ACACA: variants seen among roughly 807,000 people sequenced by gnomAD.
ACACA encodes acetyl-CoA carboxylase 1.
Under a neutral mutation model 296.1 loss-of-function variants are expected in ACACA, and 103 were observed. That is an observed-to-expected ratio of 0.35 (90% CI 0.30 to 0.41). The LOEUF (loss-of-function observed/expected upper bound fraction) is 0.41. ACACA is among the 10% of genes least tolerant of loss of function. ACACA has a pLI of 1.00. For synonymous variants in ACACA, 953 were observed against 1,038.6 expected (o/e 0.92, Z 1.58); for missense variants, 1,554 against 2,989.7 (o/e 0.52, Z 11.20).
At position 37,380,434 on chromosome 17, in the gene ACACA, A is replaced by T. The variant is rs76798436; in HGVS notation, c.38+25828T>A. On this transcript the variant is annotated intron_variant, in intron 1 of 55. Coordinates refer to ENST00000616317, the MANE Select transcript of ACACA (RefSeq NM_198834.3). ...AAAACTTAAAGTATAATAATAAAAG[A>T]AAAAAAAAAGAAAATGAATTATCCT... Among the ~76,000 whole-genome samples, 96 of 149,336 alleles carry T rather than the reference A, an allele frequency of 6.4e-4. 1 individual carries two copies. Among genetic ancestry groups the T allele is most frequent in the African/African-American group, 2.2e-3 (89 of 40,740 alleles).
chr17:37,117,240 A>G (rs1384221630), intron 50 of ACACA, among the ~76,000 whole-genome samples: 1 of 152,234 alleles, frequency 6.6e-6, no homozygotes, highest in Non-Finnish European at 1.5e-5. Flanking sequence ...GAAGGTAAAC[A>G]TTAGCCATAC....
chr17:37,221,366 T>C (rs1203202979), intron 29 of ACACA, among the ~76,000 whole-genome samples: 1 of 152,188 alleles, frequency 6.6e-6, no homozygotes, highest in African/African-American at 2.4e-5. Flanking sequence ...CAAAGTATTT[T>C]TTTGGTCTAA....
chr17:37,240,863 G>T (rs185232544), intron 23 of ACACA, among the ~76,000 whole-genome samples: 47 of 152,232 alleles, frequency 3.1e-4, no homozygotes, highest in Middle Eastern at 3.4e-3. Context: ...AAATGGCTGA[G>T]ATATCTGAAA....
chr17:37,212,418 T>G (rs1371665181), intron 29 of ACACA, among the ~76,000 whole-genome samples: 1 of 152,178 alleles, frequency 6.6e-6, no homozygotes, highest in Non-Finnish European at 1.5e-5. Flanking sequence ...TTATGCACCA[T>G]CTACACAGTA....
At chr17:37,329,073 T>G (rs1045400397) in intron 3 of ACACA, 7 of 397,408 alleles carry the variant, frequency 1.8e-5, no homozygotes, top group Non-Finnish European at 4.4e-6. Context: ...AGTGTTACTA[T>G]GTACTGACAT....
chr17:37,274,572 C>T, intron 8 of ACACA: 1 of 954,796 alleles, frequency 1.0e-6, no homozygotes, highest in Non-Finnish European at 1.2e-6. Flanking sequence ...TCAAAACAAA[C>T]AAAAAAAGAA....
chr17:37,325,885 T>C (rs917307382), intron 3 of ACACA, among the ~76,000 whole-genome samples: 10 of 151,946 alleles, frequency 6.6e-5, no homozygotes, highest in Non-Finnish European at 1.5e-5. Flanking sequence ...GGGTCTTATT[T>C]TCAAATGTTT....
chr17:37,266,017 A>G (rs2081751737), intron 10 of ACACA, among the ~76,000 whole-genome samples: 1 of 152,144 alleles, frequency 6.6e-6, no homozygotes, highest in Non-Finnish European at 1.5e-5. Flanking sequence ...CCTATGAATC[A>G]TATTGGGGTT....
intron 40 of ACACA, among the ~76,000 whole-genome samples, chr17:37,180,489 T>A (rs946901763): frequency 5.9e-5 from 9 of 152,324 alleles, no homozygotes; most frequent in South Asian, 2.1e-4. Context: ...TAGATTTTTT[T>A]AAAAAGGACA....
At chr17:37,186,324 CCA>C (rs2077529003) in intron 39 of ACACA, among the ~76,000 whole-genome samples, 1 of 152,198 alleles carries the variant, frequency 6.6e-6, no homozygotes, top group Admixed American at 6.5e-5. Flanking sequence ...CACATATTTG[CCA>C]CAGAGAAACA....
At chr17:37,362,122 A>G (rs1433320456) in intron 1 of ACACA, among the ~76,000 whole-genome samples, 1 of 152,208 alleles carries the variant, frequency 6.6e-6, no homozygotes, top group Non-Finnish European at 1.5e-5. Flanking sequence ...CCATGTACAA[A>G]CCAAGGAGAA....
At chr17:37,316,234 G>C (rs1344936945) in intron 3 of ACACA, among the ~76,000 whole-genome samples, 8 of 151,454 alleles carry the variant, frequency 5.3e-5, no homozygotes, top group Non-Finnish European at 1.0e-4. Context: ...ACTTGTAATT[G>C]CCTGAAAATG....
intron 2 of ACACA, among the ~76,000 whole-genome samples, chr17:37,331,094 C>CATTT (rs34937895): frequency 0.087 from 12,652 of 146,214 alleles, 608 homozygotes; most frequent in Non-Finnish European, 0.097. Context: ...TTTTATTTTT[C>CATTT]ATTTATTTAT....
chr17:37,368,398 T>G (rs1347761153), intron 1 of ACACA, among the ~76,000 whole-genome samples: 2 of 152,184 alleles, frequency 1.3e-5, no homozygotes, highest in Non-Finnish European at 2.9e-5. Flanking sequence ...CTGGCCAACA[T>G]GGTGAAACCC....
chr17:37,391,440 G>A lies in ACACA; in HGVS notation c.38+14822C>T, dbSNP rs1416587066. Reference sequence around the variant, plus strand: ...GATCTTTTAATTACTTTGCTAGTGGGTTATAGGTTCCAAGCAATTATTGGT... The same window carrying A: ...GATCTTTTAATTACTTTGCTAGTGGATTATAGGTTCCAAGCAATTATTGGT... On this transcript the variant is annotated intron_variant, in intron 1 of 55. Coordinates refer to ENST00000616317, the MANE Select transcript of ACACA (RefSeq NM_198834.3). Among the ~76,000 whole-genome samples, 8 of 152,128 alleles carry A rather than the reference G, an allele frequency of 5.3e-5. 1 individual carries two copies. The highest frequency in any genetic ancestry group is 5.2e-4 in the Admixed American group (8 of 15,258).
chr17:37,220,526 A>T (rs1232378739), intron 29 of ACACA, among the ~76,000 whole-genome samples: 1 of 152,242 alleles, frequency 6.6e-6, no homozygotes, highest in African/African-American at 2.4e-5. Context: ...TTCGCCGCTC[A>T]CTGAAGGACA....
intron 29 of ACACA, among the ~76,000 whole-genome samples, chr17:37,214,578 A>C (rs1256084726): frequency 6.6e-6 from 1 of 152,150 alleles, no homozygotes; most frequent in African/African-American, 2.4e-5. Context: ...CCTTGACAAG[A>C]AGGGACCTTG....
intron 38 of ACACA, 53 bp from the exon 39 acceptor site, chr17:37,188,533 C>G: frequency 6.3e-7 from 1 of 1,586,808 alleles, no homozygotes; most frequent in African/African-American, 1.3e-5. Context: ...TAACTAAGAC[C>G]TGTTTCAGGT....
At chr17:37,127,488 A>T (rs1297262984) in intron 47 of ACACA, among the ~76,000 whole-genome samples, 1 of 152,168 alleles carries the variant, frequency 6.6e-6, no homozygotes, top group Non-Finnish European at 1.5e-5. Context: ...CGTATTTCCC[A>T]GGAAAAAACT....
Sources: gnomAD v4.1 joint callset for allele counts (sites outside exome capture counted in the v4.1 genomes callset) on GRCh38, gnomAD v4.1.1 for gene constraint, MANE v1.5 for transcripts, NCBI Gene and HGNC (gene_info 2026-07-23, HGNC 2026-07-21) for gene names.